Variants in ST3GAL3 observed in about 807,000 individuals in gnomAD.
ST3GAL3 encodes CMP-N-acetylneuraminate-beta-1,4-galactoside alpha-2,3-sialyltransferase.
In ST3GAL3, 21 loss-of-function variants were observed where a neutral mutation model predicts 50.1. The observed-to-expected ratio is 0.42, with a 90% CI of 0.30 to 0.60. The LOEUF is 0.60. Ranked by LOEUF, ST3GAL3 falls within the 20% of genes least tolerant of loss-of-function variation. The probability of loss-of-function intolerance (pLI) is 0.19; values close to 1 mark genes in which losing one functional copy is unlikely to be tolerated. For synonymous variants in ST3GAL3, 183 were observed against 190.0 expected (o/e 0.96, Z 0.30); for missense variants, 353 against 489.4 (o/e 0.72, Z 2.63).
At chr1:43,922,412 G>A (rs2083194689) in intron 11 of ST3GAL3, 1 of 152,236 alleles carries the variant, frequency 6.6e-6, no homozygotes, top group Non-Finnish European at 1.5e-5. Flanking sequence ...TGAGGCAGAA[G>A]AATCACTTGA....
At chr1:43,781,999 T>A (rs1482736179) in intron 2 of ST3GAL3, among the ~76,000 whole-genome samples, 1 of 152,202 alleles carries the variant, frequency 6.6e-6, no homozygotes, top group Non-Finnish European at 1.5e-5. Flanking sequence ...ATTTTTTCAG[T>A]CTGTATTTTA....
intron 1 of ST3GAL3, chr1:43,716,628 T>C (rs1667526226): frequency 6.6e-6 from 1 of 152,146 alleles, no homozygotes. Flanking sequence ...CCGTACTACA[T>C]TAGGACGTGA....
chr1:43,785,296 TG>T lies in ST3GAL3; in HGVS notation c.119-6805del, dbSNP rs1299418540. On this transcript the variant is annotated intron_variant, in intron 2 of 11. Transcript: ENST00000347631. ...AGAGCTGTGGTCCAAGTGGAGCCTC[TG>T]CTTCTGAGCTTCAGACCCTGTGGAG... 1.2e-4 allele frequency among the ~76,000 whole-genome samples: 18 copies of T among 152,356 alleles called. No individual in the cohort carries two copies. The East Asian group carries it at 3.5e-3, about 29-fold the overall frequency.
intron 4 of ST3GAL3, among the ~76,000 whole-genome samples, chr1:43,828,346 A>G (rs1347809512): frequency 6.6e-6 from 1 of 152,224 alleles, no homozygotes; most frequent in Non-Finnish European, 1.5e-5. Context: ...TTTGGTAATG[A>G]GTTTTTAGAT....
chr1:43,723,863 C>G (rs925802175), intron 1 of ST3GAL3, among the ~76,000 whole-genome samples: 3 of 152,144 alleles, frequency 2.0e-5, no homozygotes, highest in Non-Finnish European at 4.4e-5. Context: ...CTGCCCGCCT[C>G]GGCCTCCCAA....
intron 4 of ST3GAL3, 41 bp from the exon 5 acceptor site, chr1:43,838,178 T>A: frequency 7.4e-7 from 1 of 1,347,972 alleles, no homozygotes; most frequent in Non-Finnish European, 1.0e-6. Flanking sequence ...CACTCAGTGC[T>A]CAGTGCCTGG....
chr1:43,779,555 G>C (rs529574223), intron 2 of ST3GAL3, among the ~76,000 whole-genome samples: 10 of 152,144 alleles, frequency 6.6e-5, no homozygotes, highest in African/African-American at 2.4e-4. Context: ...AATAACAAGT[G>C]TATGTTGCCA....
intron 3 of ST3GAL3, among the ~76,000 whole-genome samples, chr1:43,811,876 C>T (rs37471): frequency 0.27 from 40,476 of 152,176 alleles, 6,136 homozygotes; most frequent in Middle Eastern, 0.35. Context: ...CCCTTCATCT[C>T]TAGCAACCGA....
intron 2 of ST3GAL3, among the ~76,000 whole-genome samples, chr1:43,779,822 C>T (rs1430235949): frequency 6.6e-6 from 1 of 151,998 alleles, no homozygotes; most frequent in Non-Finnish European, 1.5e-5. Context: ...TTTTGCTTTC[C>T]TTAGTTTTCT....
At chr1:43,793,883 GAC>G (rs2058376341) in intron 3 of ST3GAL3, among the ~76,000 whole-genome samples, 1 of 152,072 alleles carries the variant, frequency 6.6e-6, no homozygotes. Flanking sequence ...AGGAATTTGT[GAC>G]CAGCTTGGGT....
chr1:43,858,720 G>A (rs1386040331), intron 5 of ST3GAL3, among the ~76,000 whole-genome samples: 1 of 152,234 alleles, frequency 6.6e-6, no homozygotes. Flanking sequence ...TCAGCAGAGA[G>A]CAAGATGCTG....
At chr1:43,889,181 T>C (rs2076367754) in intron 5 of ST3GAL3, among the ~76,000 whole-genome samples, 1 of 143,366 alleles carries the variant, frequency 7.0e-6, no homozygotes, top group African/African-American at 2.6e-5. Context: ...ACATTTTTAG[T>C]GAATAAAGAA....
chr1:43,860,757 G>T (rs1385868586), intron 5 of ST3GAL3, among the ~76,000 whole-genome samples: 2 of 152,228 alleles, frequency 1.3e-5, no homozygotes, highest in Admixed American at 6.5e-5. Flanking sequence ...GAAAGGGAGG[G>T]CAGTGGAGGG....
intron 2 of ST3GAL3, chr1:43,772,733 C>A (rs1473277002): frequency 6.6e-6 from 1 of 151,780 alleles, no homozygotes; most frequent in Non-Finnish European, 1.5e-5. Flanking sequence ...TTTTTCTTGG[C>A]AGATACTGAC....
At chr1:43,816,826 A>G (rs556960375) in intron 4 of ST3GAL3, among the ~76,000 whole-genome samples, 5 of 152,212 alleles carry the variant, frequency 3.3e-5, no homozygotes, top group Non-Finnish European at 5.9e-5. Flanking sequence ...TTAACTCACA[A>G]TCTAAGGTAC....
At chr1:43,817,372 CT>C (rs2061372699) in intron 4 of ST3GAL3, among the ~76,000 whole-genome samples, 2 of 84,998 alleles carry the variant, frequency 2.4e-5, no homozygotes, top group African/African-American at 8.5e-5. Flanking sequence ...CCTTCTTCTC[CT>C]TCTTCTCCTT....
intron 11 of ST3GAL3, among the ~76,000 whole-genome samples, chr1:43,928,097 C>G (rs931799381): frequency 6.6e-6 from 1 of 152,298 alleles, no homozygotes; most frequent in East Asian, 1.9e-4. Context: ...AGAAGGTTGA[C>G]TGGATCAGAA....
intron 11 of ST3GAL3, among the ~76,000 whole-genome samples, chr1:43,923,083 C>T (rs978486230): frequency 3.3e-5 from 5 of 151,310 alleles, no homozygotes; most frequent in African/African-American, 7.3e-5. Flanking sequence ...AGCAAGACTC[C>T]GTCTCAAAAA....
At chr1:43,744,465 T>C (rs1390358647) in intron 2 of ST3GAL3, among the ~76,000 whole-genome samples, 1 of 151,846 alleles carries the variant, frequency 6.6e-6, no homozygotes, top group Non-Finnish European at 1.5e-5. Context: ...GGTCTCGAAC[T>C]CCTGACCTCA....
Sources: allele counts gnomAD v4.1 joint callset (sites outside exome capture counted in the v4.1 genomes callset), GRCh38; gene constraint gnomAD v4.1.1; transcripts MANE v1.5; gene names NCBI Gene and HGNC (gene_info 2026-07-23, HGNC 2026-07-21).